The following ERBB4 variants were observed in gnomAD, a reference collection of about 807,000 sequenced individuals.
ERBB4 encodes the protein erb-b2 receptor tyrosine kinase 4.
ERBB4 carries 42 observed loss-of-function variants against 158.0 expected under a neutral mutation model. The ratio of observed to expected loss-of-function variants is 0.27; its 90% CI spans 0.21 to 0.34. ERBB4 has a LOEUF of 0.34. Ranked by LOEUF, ERBB4 falls within the 10% of genes least tolerant of loss-of-function variation. ERBB4 has a pLI of 1.00. For missense variants in ERBB4, 1,333 were observed against 1,624.1 expected (o/e 0.82, Z 3.08); for synonymous variants, 583 against 558.7 (o/e 1.04, Z -0.61).
intron 3 of ERBB4, among the ~76,000 whole-genome samples, chr2:211,812,029 A>G (rs1368480505): frequency 6.6e-6 from 1 of 152,200 alleles, no homozygotes; most frequent in African/African-American, 2.4e-5. Flanking sequence ...TCCTTCTGTC[A>G]GCTCGTCAAA....
intron 3 of ERBB4, among the ~76,000 whole-genome samples, chr2:211,831,294 C>A (rs1311957558): frequency 6.6e-6 from 1 of 152,102 alleles, no homozygotes; most frequent in Non-Finnish European, 1.5e-5. Flanking sequence ...CAGTCTAATA[C>A]TGAAATAGAT....
chr2:211,983,426 T>C (rs1000886641), intron 2 of ERBB4, among the ~76,000 whole-genome samples: 6 of 152,174 alleles, frequency 3.9e-5, no homozygotes, highest in African/African-American at 1.4e-4. Flanking sequence ...AGCAAAACTG[T>C]ATTTTCAATA....
At chr2:212,160,139 G>A (rs2081160809) in intron 1 of ERBB4, among the ~76,000 whole-genome samples, 2 of 151,902 alleles carry the variant, frequency 1.3e-5, no homozygotes, top group African/African-American at 4.8e-5. Context: ...CCTCAGAAGG[G>A]TGAATATTTC....
chr2:211,572,614 C>A (rs1394305983), intron 19 of ERBB4, among the ~76,000 whole-genome samples: 1 of 152,144 alleles, frequency 6.6e-6, no homozygotes, highest in Non-Finnish European at 1.5e-5. Flanking sequence ...TCACAGCTGC[C>A]GTCAATTTGA....
chr2:211,728,134 C>A (rs2106142921), intron 5 of ERBB4, among the ~76,000 whole-genome samples: 1 of 151,922 alleles, frequency 6.6e-6, no homozygotes, highest in African/African-American at 2.4e-5. Flanking sequence ...TGAATTTTTC[C>A]CAATCAACTG....
chr2:211,719,572 T>C (rs1331683992), intron 7 of ERBB4, among the ~76,000 whole-genome samples: 1 of 152,112 alleles, frequency 6.6e-6, no homozygotes, highest in Non-Finnish European at 1.5e-5. Context: ...GAAAGTGTTT[T>C]TGGCCAGGTG....
At chr2:211,771,779 C>T (rs184719188) in intron 4 of ERBB4, among the ~76,000 whole-genome samples, 55 of 152,128 alleles carry the variant, frequency 3.6e-4, no homozygotes, top group Middle Eastern at 3.4e-3. Context: ...ACGATCAGTT[C>T]ATACCATGCA....
chr2:212,172,278 G>A (rs2081540516), intron 1 of ERBB4, among the ~76,000 whole-genome samples: 1 of 132,944 alleles, frequency 7.5e-6, no homozygotes, highest in East Asian at 1.9e-4. Context: ...TGCTGCCAAG[G>A]TTGTGGAGAA....
chr2:211,716,542 G>GT (rs2073915408), intron 7 of ERBB4, among the ~76,000 whole-genome samples: 1 of 150,380 alleles, frequency 6.6e-6, no homozygotes. Flanking sequence ...CGGGCCTGGT[G>GT]GCGGGCGCCT....
chr2:211,813,436 T>C (rs569465909), intron 3 of ERBB4, among the ~76,000 whole-genome samples: 2 of 152,310 alleles, frequency 1.3e-5, no homozygotes, highest in East Asian at 3.9e-4. Context: ...CACATTTTAT[T>C]CCATGGCACA....
intron 1 of ERBB4, among the ~76,000 whole-genome samples, chr2:212,500,484 C>A (rs930640320): frequency 6.6e-6 from 1 of 151,936 alleles, no homozygotes; most frequent in African/African-American, 2.4e-5. Flanking sequence ...TACTATAGGG[C>A]TATTCTTAAA....
At chr2:211,632,544 C>T (rs1010138576) in intron 16 of ERBB4, among the ~76,000 whole-genome samples, 1 of 152,018 alleles carries the variant, frequency 6.6e-6, no homozygotes, top group Non-Finnish European at 1.5e-5. Flanking sequence ...AGGTGGTATA[C>T]ATATTTATGT....
intron 19 of ERBB4, among the ~76,000 whole-genome samples, chr2:211,574,349 A>C (rs2067829635): frequency 6.6e-6 from 1 of 152,350 alleles, no homozygotes; most frequent in South Asian, 2.1e-4. Flanking sequence ...TGGCTAAAGT[A>C]GATTTTGGCA....
intron 25 of ERBB4, among the ~76,000 whole-genome samples, chr2:211,400,518 C>T (rs138775307): frequency 2.6e-5 from 4 of 151,776 alleles, no homozygotes; most frequent in Non-Finnish European, 5.9e-5. Context: ...TAAAATAAGC[C>T]AGGCACAGAA....
intron 4 of ERBB4, among the ~76,000 whole-genome samples, chr2:211,758,897 T>C (rs1470183133): frequency 1.3e-5 from 2 of 152,236 alleles, no homozygotes; most frequent in East Asian, 3.8e-4. Context: ...TCTCCAAAAT[T>C]TGTATGTCCA....
At chr2:211,435,914 G>A (rs920965308) in intron 20 of ERBB4, among the ~76,000 whole-genome samples, 2 of 152,050 alleles carry the variant, frequency 1.3e-5, no homozygotes, top group Non-Finnish European at 2.9e-5. Flanking sequence ...GGGTTAGGTG[G>A]ACATGGAGAA....
At chr2:212,212,273 A>C (rs1368330051) in intron 1 of ERBB4, among the ~76,000 whole-genome samples, 1 of 151,882 alleles carries the variant, frequency 6.6e-6, no homozygotes, top group Non-Finnish European at 1.5e-5. Context: ...CATGAGATAG[A>C]CAAGCAAAGA....
chr2:211,673,529 A>AAAAAAAAAAAAAAAAAAAC, intron 13 of ERBB4, among the ~76,000 whole-genome samples: 1 of 149,952 alleles, frequency 6.7e-6, no homozygotes, highest in Non-Finnish European at 1.5e-5. Context: ...AAAAAAAAAA[A>AAAAAAAAAAAAAAAAAAAC]AGCTACAAAG....
At chr2:212,162,752 A>G (rs1049475317) in intron 1 of ERBB4, among the ~76,000 whole-genome samples, 2 of 151,942 alleles carry the variant, frequency 1.3e-5, no homozygotes, top group Non-Finnish European at 2.9e-5. Context: ...GTAATGGTTA[A>G]AGCTAAATGA....
Sources: allele counts gnomAD v4.1 joint callset (sites outside exome capture counted in the v4.1 genomes callset), GRCh38; gene constraint gnomAD v4.1.1; transcripts MANE v1.5; gene names NCBI Gene and HGNC (gene_info 2026-07-23, HGNC 2026-07-21).